The following VRK3 variants were observed in gnomAD, a reference collection of about 807,000 sequenced individuals.
VRK3 encodes the protein VRK serine/threonine kinase 3.
In VRK3, 50 loss-of-function variants were observed where a neutral mutation model predicts 60.4. The observed-to-expected ratio is 0.83, with a 90% CI of 0.66 to 1.05. The LOEUF (loss-of-function observed/expected upper bound fraction) is 1.05, where lower values mean the gene tolerates loss of function less well. VRK3 is among the 50% of genes least tolerant of loss of function. VRK3 has a pLI of 0.00. For synonymous variants in VRK3, 246 were observed against 227.8 expected, an observed-to-expected ratio of 1.08 and a Z score of -0.72; for missense variants, 549 against 585.3, an observed-to-expected ratio of 0.94 and a Z score of 0.64.
At chr19:49,997,591 C>T in intron 6 of VRK3, 21 bp from the exon 7 acceptor site, 4 of 1,613,400 alleles carry the variant, frequency 2.5e-6, no homozygotes, top group Non-Finnish European at 3.4e-6. Flanking sequence ...ACAGGAGGGG[C>T]AGAAGGCTGT....
intron 5 of VRK3, among the ~76,000 whole-genome samples, chr19:50,002,544 C>T (rs1295375986): frequency 6.6e-6 from 1 of 152,070 alleles, no homozygotes; most frequent in Non-Finnish European, 1.5e-5. Context: ...GCGTACGTGC[C>T]CGGTACTCAG....
chr19:50,005,999 A>G (rs2076883994), intron 5 of VRK3, among the ~76,000 whole-genome samples: 1 of 149,300 alleles, frequency 6.7e-6, no homozygotes, highest in Admixed American at 6.6e-5. Flanking sequence ...ACCCTTTAAA[A>G]GAATGAATTT....
chr19:49,994,786 G>A (rs373355818), intron 9 of VRK3, 28 bp downstream of exon 9: 25 of 1,599,106 alleles, frequency 1.6e-5, no homozygotes, highest in East Asian at 8.9e-5. Flanking sequence ...TCCCTGACGC[G>A]GCAGCTGAGC....
intron 13 of VRK3, among the ~76,000 whole-genome samples, chr19:49,979,877 A>C (rs1173603372): frequency 7.3e-6 from 1 of 136,230 alleles, no homozygotes; most frequent in Non-Finnish European, 1.6e-5. Flanking sequence ...CCCCATCTCT[A>C]CTAAAAAAAA....
At chr19:49,993,027 G>A (rs200819244) in intron 9 of VRK3, 75 bp from the exon 10 acceptor site, 9 of 795,878 alleles carry the variant, frequency 1.1e-5, no homozygotes, top group Non-Finnish European at 1.7e-5. Flanking sequence ...AGACCAGGAG[G>A]GAGCCCCACT....
Position 50,009,366 on chromosome 19 carries a change from G to T in VRK3, c.159C>A (p.Asn53Lys). ...TCTTAGGAGAGGTTTCAAAACTGGA[G>T]TTCAGCCCTCTCTTTGAGCCTAAAG... ...SSFQGSKRGL[N>K]SSFETSPKKV... The change falls in exon 4 of 15, where the codon AAC (asparagine) becomes AAA (lysine). Residue 53 changes from asparagine to lysine, a missense_variant. Transcript: ENST00000316763. The T allele has an allele frequency of 6.2e-7, 1 of 1,613,804 alleles. No homozygotes were observed. The highest frequency in any genetic ancestry group is 1.7e-5 in the Admixed American group (1 of 59,988).
At chr19:50,006,441 C>T (rs2076893367) in intron 5 of VRK3, among the ~76,000 whole-genome samples, 1 of 151,222 alleles carries the variant, frequency 6.6e-6, no homozygotes, top group Non-Finnish European at 1.5e-5. Context: ...AGTGGTGCAA[C>T]CTCGGCTCAC....
intron 12 of VRK3, chr19:49,981,946 T>G: frequency 1.6e-6 from 1 of 641,552 alleles, no homozygotes; most frequent in African/African-American, 1.8e-5. Flanking sequence ...TGAGAGGGGG[T>G]CACTGTGGCA....
In VRK3 at chr19:50,022,928, C is replaced by A. The variant is rs542618718; in HGVS notation, c.-64-2281G>T. On this transcript the variant is annotated intron_variant, in intron 1 of 14. Coordinates refer to ENST00000316763, the MANE Select transcript of VRK3 (RefSeq NM_016440.4). ...ATGGCCCAGGAGCCCCCTGTATGAT[C>A]TGCCACTTCCCTGTTCCCTCTCTGA... 4.6e-5 allele frequency among the ~76,000 whole-genome samples: 7 copies of A among 152,270 alleles called. No individual in the cohort carries two copies. In the South Asian group the frequency reaches 1.4e-3, roughly 32 times the overall value.
intron 2 of VRK3, among the ~76,000 whole-genome samples, chr19:50,018,083 C>T (rs955474648): frequency 3.3e-5 from 5 of 152,202 alleles, no homozygotes; most frequent in African/African-American, 4.8e-5. Flanking sequence ...GATTTCAATC[C>T]CAGATCTGCT....
At chr19:49,985,027 C>T (rs2076488297) in intron 12 of VRK3, among the ~76,000 whole-genome samples, 1 of 152,218 alleles carries the variant, frequency 6.6e-6, no homozygotes, top group African/African-American at 2.4e-5. Context: ...TGCCCTCAGT[C>T]TCCTGCCTTG....
At chr19:50,013,604 AAT>A (rs1222788812) in intron 3 of VRK3, among the ~76,000 whole-genome samples, 1 of 152,214 alleles carries the variant, frequency 6.6e-6, no homozygotes, top group Non-Finnish European at 1.5e-5. Context: ...TTGATTTACC[AAT>A]ATAGTATCTG....
intron 6 of VRK3, chr19:49,998,349 T>C (rs1184934101): frequency 1.3e-5 from 2 of 151,880 alleles, no homozygotes; most frequent in African/African-American, 2.4e-5. Flanking sequence ...TAGCCAGGCA[T>C]GGTGGTGCGT....
intron 2 of VRK3, 25 bp from the exon 3 acceptor site, chr19:50,016,188 A>C (rs780571640): frequency 6.2e-7 from 1 of 1,612,766 alleles, no homozygotes; most frequent in East Asian, 2.2e-5. Context: ...GAACAAACAC[A>C]AAGTGAAACG....
chr19:50,007,550 G>A lies in VRK3; in HGVS notation c.547+19C>T, dbSNP rs756766180. On this transcript the variant is annotated intron_variant, in intron 5 of 14. Transcript: ENST00000316763. ...TGCTGAGACGACCCAGTCCCTGGCC[G>A]CCCATGGACAGAGTGTACCTTCATA... 33 of 1,611,038 alleles carry A rather than the reference G, an allele frequency of 2.0e-5. No individual in the cohort carries two copies. The highest frequency in any genetic ancestry group is 5.0e-5 in the Admixed American group (3 of 59,958).
chr19:50,000,452 G>A, intron 6 of VRK3: 1 of 361,994 alleles, frequency 2.8e-6, no homozygotes, highest in Non-Finnish European at 5.2e-6. Context: ...AGCACGCTGC[G>A]AGGCCGGTGG....
intron 2 of VRK3, among the ~76,000 whole-genome samples, chr19:50,019,690 T>TTTTTTTTTTTTTTTTTG (rs2077137757): frequency 1.0e-5 from 1 of 97,422 alleles, no homozygotes; most frequent in Non-Finnish European, 1.9e-5. Context: ...TTTTTTTTTT[T>TTTTTTTTTTTTTTTTTG]TTTTTTTTTT....
rs903303136 is a variant in VRK3, at chr19:49,995,123, T to C, written c.764+68A>G. ...GCCCACGGCTTCGGGGTCCCAGCCA[T>C]GCCTGGAGTCACAACAGGAAGAAGA... On this transcript the variant is annotated intron_variant, in intron 8 of 14. Transcript: ENST00000316763. 101 of 1,544,858 alleles carry C rather than the reference T, an allele frequency of 6.5e-5. 1 individual carries two copies. In the Admixed American group the frequency reaches 1.7e-3, roughly 26 times the overall value.
chr19:50,014,267 A>C (rs566624721), intron 3 of VRK3, among the ~76,000 whole-genome samples: 1 of 150,290 alleles, frequency 6.7e-6, no homozygotes, highest in South Asian at 2.1e-4. Flanking sequence ...GACTGTTTAA[A>C]AAAAAACAAA....
Sources: gnomAD v4.1 joint callset for allele counts (sites outside exome capture counted in the v4.1 genomes callset) on GRCh38, gnomAD v4.1.1 for gene constraint, MANE v1.5 for transcripts, NCBI Gene and HGNC (gene_info 2026-07-23, HGNC 2026-07-21) for gene names.